PIK3C2G: variants seen among roughly 807,000 people sequenced by gnomAD.
The protein encoded by PIK3C2G is phosphatidylinositol 3-kinase C2 domain-containing subunit gamma.
PIK3C2G carries 168 observed loss-of-function variants against 181.1 expected under a neutral mutation model. The observed-to-expected ratio is 0.93, with a 90% CI of 0.82 to 1.05. The LOEUF is 1.05. Ranked by LOEUF, PIK3C2G falls within the 50% of genes least tolerant of loss-of-function variation. PIK3C2G has a pLI of 0.00. For synonymous variants in PIK3C2G, 573 were observed against 592.2 expected (o/e 0.97, Z 0.47); for missense variants, 1,869 against 1,732.8 (o/e 1.08, Z -1.40).
At chr12:18,499,855 A>T (rs1941288180) in intron 22 of PIK3C2G, among the ~76,000 whole-genome samples, 1 of 152,244 alleles carries the variant, frequency 6.6e-6, no homozygotes. Context: ...TCACCTAGGA[A>T]CTTGTTAGAA....
the PIK3C2G span, among the ~76,000 whole-genome samples, chr12:18,686,343 T>A: frequency 6.6e-6 from 1 of 152,070 alleles, no homozygotes; most frequent in Non-Finnish European, 1.5e-5. Context: ...AAAAAGAAAG[T>A]TCCTGACACC....
Position 18,488,599 on chromosome 12 carries a change from A to C in PIK3C2G, c.2655A>C (p.Arg885Ser). 1 of 1,563,170 alleles carries C rather than the reference A, an allele frequency of 6.4e-7. No individual in the cohort carries two copies. Among genetic ancestry groups the C allele is most frequent in the South Asian group, 1.2e-5 (1 of 82,106 alleles). The change falls in exon 19 of 33, where the codon AGA becomes AGC. Residue 885 changes from arginine (R) to serine (S), a missense_variant. Coordinates refer to ENST00000538779, the MANE Select transcript of PIK3C2G (RefSeq NM_001288772.2). ...LIKILGDIGE[R>S]VKSASDHQRQ... ...AAATTCTGGGAGATATTGGGGAAAG[A>C]GTCAAGTCTGCCAGTGACCATCAAA...
intron 24 of PIK3C2G, among the ~76,000 whole-genome samples, chr12:18,522,198 C>A (rs747322987): frequency 6.6e-6 from 1 of 152,202 alleles, no homozygotes; most frequent in South Asian, 2.1e-4. Context: ...CTTGGCCCTG[C>A]CCCTAATTTG....
chr12:18,600,012 T>C (rs1248720116), intron 30 of PIK3C2G, among the ~76,000 whole-genome samples: 3 of 151,932 alleles, frequency 2.0e-5, no homozygotes, highest in African/African-American at 7.2e-5. Flanking sequence ...CTATTTCACA[T>C]CTTGATTTAT....
At chr12:18,377,285 T>C (rs1942517492) in intron 13 of PIK3C2G, among the ~76,000 whole-genome samples, 3 of 152,324 alleles carry the variant, frequency 2.0e-5, no homozygotes, top group East Asian at 3.9e-4. Flanking sequence ...TCTCCTGGTG[T>C]CACAAATTTT....
At chr12:18,538,490 G>A (rs938600904) in intron 25 of PIK3C2G, among the ~76,000 whole-genome samples, 178 bp downstream of exon 25, 2 of 151,848 alleles carry the variant, frequency 1.3e-5, no homozygotes, top group Non-Finnish European at 2.9e-5. Context: ...AATTTAATAT[G>A]TTCGTTCATA....
At chr12:18,366,554 A>G (rs1941657956) in intron 12 of PIK3C2G, among the ~76,000 whole-genome samples, 1 of 152,146 alleles carries the variant, frequency 6.6e-6, no homozygotes. Flanking sequence ...ATAAATAATT[A>G]AAAGTGTAGC....
the PIK3C2G span, among the ~76,000 whole-genome samples, chr12:18,656,730 G>T: frequency 7.6e-6 from 1 of 131,104 alleles, no homozygotes; most frequent in Non-Finnish European, 1.6e-5. Flanking sequence ...GCATGACCCT[G>T]TCTCAAACAA....
chr12:18,262,606 T>A (rs1948295778), intron 1 of PIK3C2G, among the ~76,000 whole-genome samples: 2 of 140,132 alleles, frequency 1.4e-5, no homozygotes, highest in Admixed American at 7.2e-5. Flanking sequence ...TAACCATGAG[T>A]GAGCTGACAA....
At chr12:18,338,118 C>T (rs1938722590) in intron 8 of PIK3C2G, among the ~76,000 whole-genome samples, 1 of 152,120 alleles carries the variant, frequency 6.6e-6, no homozygotes, top group African/African-American at 2.4e-5. Flanking sequence ...TCTCTCTTTT[C>T]CTCTCCCTCT....
chr12:18,699,861 T>C, the PIK3C2G span: 1 of 1,613,206 alleles, frequency 6.2e-7, no homozygotes, highest in Non-Finnish European at 8.5e-7. Context: ...ATTGCTGATA[T>C]AATCTTGAAT....
Position 18,313,814 on chromosome 12 carries a change from ACACACACACACACACG to A in PIK3C2G, c.1035-138_1035-123del. 13 of 502,196 alleles carry A rather than the reference ACACACACACACACACG, an allele frequency of 2.6e-5. No homozygotes were observed. The East Asian group carries it at 3.5e-4, about 13-fold the overall frequency. The allele number at this position is 502,196 out of a possible 1,614,324, so 31.1% of individuals were successfully genotyped here. On this transcript the variant is annotated intron_variant, in intron 5 of 32. Coordinates refer to ENST00000538779, the MANE Select transcript of PIK3C2G (RefSeq NM_001288772.2). ...GTAATGCATATATATTCACACACACACACACACACACACACGCACACACACGCACACACTCAGTTTT... is the reference window on the plus strand; with the variant it reads ...GTAATGCATATATATTCACACACACACACACACACGCACACACTCAGTTTT...
intron 19 of PIK3C2G, among the ~76,000 whole-genome samples, chr12:18,490,477 T>C (rs1167435040): frequency 1.3e-5 from 2 of 152,314 alleles, no homozygotes; most frequent in East Asian, 3.9e-4. Context: ...TCTAATTTAC[T>C]CTAACACTTT....
intron 2 of PIK3C2G, among the ~76,000 whole-genome samples, chr12:18,286,595 T>C (rs997195322): frequency 3.9e-5 from 6 of 152,118 alleles, no homozygotes; most frequent in African/African-American, 1.4e-4. Flanking sequence ...GGGGACATTT[T>C]CTAAAATGAA....
chr12:18,344,787 C>A, intron 10 of PIK3C2G, among the ~76,000 whole-genome samples: 1 of 152,028 alleles, frequency 6.6e-6, no homozygotes, highest in Admixed American at 6.6e-5. Context: ...AAATTAGGTG[C>A]GATAAACACT....
chr12:18,547,038 T>C (rs888410730), intron 26 of PIK3C2G, among the ~76,000 whole-genome samples: 3 of 152,020 alleles, frequency 2.0e-5, no homozygotes, highest in African/African-American at 7.2e-5. Context: ...TTTTAGGTGC[T>C]CAATAAATGT....
chr12:18,376,130 G>C (rs968893727), intron 13 of PIK3C2G, among the ~76,000 whole-genome samples: 2 of 152,190 alleles, frequency 1.3e-5, no homozygotes, highest in Non-Finnish European at 1.5e-5. Context: ...CTGCATAGTA[G>C]AGATGTGGGA....
chr12:18,440,711 AG>A (rs1224004676), intron 18 of PIK3C2G, among the ~76,000 whole-genome samples: 1 of 152,040 alleles, frequency 6.6e-6, no homozygotes, highest in Non-Finnish European at 1.5e-5. Context: ...ATGAGGTTAC[AG>A]GGGGAAAGAG....
the PIK3C2G span, chr12:18,713,026 C>T: frequency 2.5e-6 from 4 of 1,610,154 alleles, no homozygotes; most frequent in South Asian, 1.1e-5. Context: ...ACTCCTGGAC[C>T]ATTAAAAATA....
Sources: allele counts gnomAD v4.1 joint callset (sites outside exome capture counted in the v4.1 genomes callset), GRCh38; gene constraint gnomAD v4.1.1; transcripts MANE v1.5; gene names NCBI Gene and HGNC (gene_info 2026-07-23, HGNC 2026-07-21).